The following FOXK2 variants were observed in gnomAD, a reference collection of about 807,000 sequenced individuals.
FOXK2 encodes the protein forkhead box K2.
In FOXK2, 24 loss-of-function variants were observed where a neutral mutation model predicts 53.3. The ratio of observed to expected loss-of-function variants is 0.45; its 90% CI spans 0.33 to 0.63. The LOEUF (loss-of-function observed/expected upper bound fraction) is 0.63, where lower values mean the gene tolerates loss of function less well. Among genes scored for constraint, FOXK2 ranks in the 30% least tolerant of loss-of-function variants. FOXK2 has a pLI of 0.03. For missense variants in FOXK2, 952 were observed against 910.5 expected, an observed-to-expected ratio of 1.05 and a Z score of -0.59; for synonymous variants, 505 against 407.1, an observed-to-expected ratio of 1.24 and a Z score of -2.89.
intron 1 of FOXK2, among the ~76,000 whole-genome samples, chr17:82,523,537 A>G (rs963716738): frequency 6.7e-6 from 1 of 149,872 alleles, no homozygotes; most frequent in Non-Finnish European, 1.5e-5. Flanking sequence ...CAATGGTATG[A>G]TCTCGGCTCA....
At chr17:82,530,387 G>A (rs1464204520) in intron 1 of FOXK2, among the ~76,000 whole-genome samples, 2 of 145,134 alleles carry the variant, frequency 1.4e-5, no homozygotes, top group African/African-American at 5.1e-5. Context: ...CTACTCGGGA[G>A]GCTAAGGCAG....
intron 1 of FOXK2, among the ~76,000 whole-genome samples, chr17:82,558,247 A>G (rs930215860): frequency 2.0e-5 from 3 of 152,138 alleles, no homozygotes; most frequent in African/African-American, 7.2e-5. Flanking sequence ...CTGAGACAGG[A>G]GGATCCCTTG....
At position 82,592,890 on chromosome 17, in the gene FOXK2, CCTGTGCCGGGCACAGGCTCTTATT is replaced by C. The variant is rs530403701; in HGVS notation, c.1786+5622_1786+5645del. Among the ~76,000 whole-genome samples the C allele has an allele frequency of 5.3e-5, 8 of 151,836 alleles. No homozygotes were observed. The South Asian group carries it at 1.7e-3, about 32-fold the overall frequency. ...TGAAAGCAGACCCCGTGAAGGTCTC[CCTGTGCCGGGCACAGGCTCTTATT>C]CTGAAAGTAGACCCTGTGAAGGTCT... On this transcript the variant is annotated intron_variant, in intron 8 of 8. Transcript: ENST00000335255.
chr17:82,553,338 G>C (rs893425809), intron 1 of FOXK2, among the ~76,000 whole-genome samples: 1 of 152,270 alleles, frequency 6.6e-6, no homozygotes, highest in Non-Finnish European at 1.5e-5. Flanking sequence ...TCAGGAGTCT[G>C]GGGGAAGCAG....
intron 1 of FOXK2, among the ~76,000 whole-genome samples, chr17:82,562,213 T>C (rs1339139316): frequency 6.6e-6 from 1 of 152,194 alleles, no homozygotes; most frequent in Non-Finnish European, 1.5e-5. Flanking sequence ...GCAAACCTTC[T>C]CCCCTGTAGC....
chr17:82,546,293 T>C (rs2044624960), intron 1 of FOXK2, among the ~76,000 whole-genome samples: 1 of 151,944 alleles, frequency 6.6e-6, no homozygotes, highest in Admixed American at 6.6e-5. Context: ...ATTTTTGTAT[T>C]TTTGGTAGAG....
In FOXK2 at chr17:82,603,095, C is replaced by T. The variant is rs914378341; in HGVS notation, c.*1596C>T. 1 of 152,584 alleles carries T rather than the reference C, an allele frequency of 6.6e-6. No individual in the cohort carries two copies. The highest frequency in any genetic ancestry group is 1.5e-5 in the Non-Finnish European group (1 of 68,042). The allele number at this position is 152,584 out of a possible 1,614,324, so 9.5% of individuals were successfully genotyped here. A position where few individuals can be genotyped will look rare whatever the true frequency, so the allele number is the denominator to read the frequency against. ...TCAGCATGGGGCTGGGGCAGCGTCA[C>T]TGCGGTGACGCCCATTGAAAGGTAT... On this transcript the variant is annotated 3_prime_UTR_variant, in exon 9 of 9. Coordinates refer to ENST00000335255, the MANE Select transcript of FOXK2 (RefSeq NM_004514.4).
chr17:82,558,420 G>A (rs1224535578), intron 1 of FOXK2, among the ~76,000 whole-genome samples: 1 of 152,206 alleles, frequency 6.6e-6, no homozygotes, highest in African/African-American at 2.4e-5. Flanking sequence ...ACTCAGCCGG[G>A]TCTGGACGAG....
At position 82,560,623 on chromosome 17, in the gene FOXK2, C is replaced by T. The variant is rs111980372; in HGVS notation, c.420-2731C>T. ...AGTGGTCTGCTTCTCTCTTGGTCTTCGTTGATTCAGTTAATAATTTGCAAG... is the reference window on the plus strand; with the variant it reads ...AGTGGTCTGCTTCTCTCTTGGTCTTTGTTGATTCAGTTAATAATTTGCAAG... On this transcript the variant is annotated intron_variant, in intron 1 of 8. Coordinates refer to ENST00000335255, the MANE Select transcript of FOXK2 (RefSeq NM_004514.4). Among the ~76,000 whole-genome samples the T allele has an allele frequency of 8.6e-3, 1,303 of 152,276 alleles. 26 individuals carry two copies. The highest frequency in any genetic ancestry group is 0.03 in the African/African-American group (1,250 of 41,556).
intron 8 of FOXK2, among the ~76,000 whole-genome samples, chr17:82,596,575 G>C (rs1225509439): frequency 6.2e-5 from 1 of 16,094 alleles, no homozygotes; most frequent in Admixed American, 1.7e-3. Flanking sequence ...AGGGCTCCCT[G>C]CCCAGCTCCT....
At chr17:82,540,193 A>G (rs2044561029) in intron 1 of FOXK2, among the ~76,000 whole-genome samples, 1 of 151,888 alleles carries the variant, frequency 6.6e-6, no homozygotes, top group Admixed American at 6.6e-5. Context: ...AGGCAGGAGA[A>G]TTGCTTGAAC....
intron 8 of FOXK2, 149 bp downstream of exon 8, chr17:82,587,421 C>T (rs1480844138): frequency 1.5e-6 from 1 of 685,768 alleles, no homozygotes; most frequent in Non-Finnish European, 2.5e-6. Flanking sequence ...TCTAGTCATG[C>T]TGGGGAAGTG....
chr17:82,594,767 T>G (rs2045293103), intron 8 of FOXK2, among the ~76,000 whole-genome samples: 1 of 152,142 alleles, frequency 6.6e-6, no homozygotes, highest in South Asian at 2.1e-4. Flanking sequence ...TAGGAACAGC[T>G]GGGCGCCGTG....
In FOXK2 at chr17:82,587,136, G is replaced by C. The variant is rs1160751995; in HGVS notation, c.1650G>C (p.Gln550His). Reference protein sequence around the residue: ...GTASRIIQTAQTTPVQTVTIV... With the variant: ...GTASRIIQTAHTTPVQTVTIV... ...CCAGCCGGATCATTCAGACGGCACA[G>C]ACCACCCCGGTCCAGACGGTGACCA... The change falls in exon 8 of 9, where the codon CAG (glutamine) becomes CAC (histidine). Residue 550 changes from glutamine to histidine, a missense_variant. Physicochemically the swap from Gln to His is conservative, Grantham distance 24. Transcript: ENST00000335255. 1 of 1,612,958 alleles carries C rather than the reference G, an allele frequency of 6.2e-7. No homozygotes were observed. The highest frequency in any genetic ancestry group is 1.1e-5 in the South Asian group (1 of 91,078).
At position 82,586,085 on chromosome 17, in the gene FOXK2, A is replaced by T. The variant is rs1255065464; in HGVS notation, c.1461A>T (p.Gly487=). The T allele has an allele frequency of 1.2e-6, 2 of 1,612,748 alleles. No homozygotes were observed. Residue 487 remains glycine, a synonymous_variant, in exon 7 of 9, where the codon GGA becomes GGT. Coordinates refer to ENST00000335255, the MANE Select transcript of FOXK2 (RefSeq NM_004514.4). ...IPAVSVTSVA[G]LAPANTYTVS... ...CGGTGTCGGTCACCAGTGTGGCCGG[A>T]CTGGCCCCAGCGAACACGTACACTG...
rs1157115402 is a variant in FOXK2, at chr17:82,586,486, G to A, written c.1576+286G>A. On this transcript the variant is annotated intron_variant, in intron 7 of 8. Transcript: ENST00000335255. The stretch of plus-strand genomic sequence containing the variant: ...AGGAGGAGAGGGGAGACCACAGGGA[G>A]GTCAAAGGTGGGCCGGGGGGGAAAG... 1.5e-4 allele frequency among the ~76,000 whole-genome samples: 13 copies of A among 89,330 alleles called. 3 individuals are homozygous for A. The highest frequency in any genetic ancestry group is 5.7e-4 in the African/African-American group (12 of 20,996). 58.6% of individuals were successfully genotyped at this position (89,330 alleles called of 152,430 possible). A position where few individuals can be genotyped will look rare whatever the true frequency, so the allele number is the denominator to read the frequency against.
At chr17:82,557,675 A>C (rs554094577) in intron 1 of FOXK2, among the ~76,000 whole-genome samples, 1 of 151,452 alleles carries the variant, frequency 6.6e-6, no homozygotes, top group Non-Finnish European at 1.5e-5. Context: ...TAGAAATGGG[A>C]TCTTGCTCTG....
chr17:82,526,357 G>A (rs2044418334), intron 1 of FOXK2, among the ~76,000 whole-genome samples: 1 of 152,166 alleles, frequency 6.6e-6, no homozygotes, highest in Non-Finnish European at 1.5e-5. Context: ...GCCTTTGAGA[G>A]GGCTGTTGTC....
intron 8 of FOXK2, among the ~76,000 whole-genome samples, chr17:82,592,089 G>A (rs913432919): frequency 6.6e-6 from 1 of 152,194 alleles, no homozygotes; most frequent in African/African-American, 2.4e-5. Flanking sequence ...ATTTTTTGTA[G>A]AGACAGGGTC....
Sources: allele counts gnomAD v4.1 joint callset (sites outside exome capture counted in the v4.1 genomes callset), GRCh38; gene constraint gnomAD v4.1.1; transcripts MANE v1.5; gene names NCBI Gene and HGNC (gene_info 2026-07-23, HGNC 2026-07-21).